Variants in PLCH1 observed in about 807,000 individuals in gnomAD.
The protein encoded by PLCH1 is 1-phosphatidylinositol 4,5-bisphosphate phosphodiesterase eta-1.
Under a neutral mutation model 126.7 loss-of-function variants are expected in PLCH1, and 60 were observed. That is an observed-to-expected ratio of 0.47 (90% CI 0.38 to 0.59). The LOEUF (loss-of-function observed/expected upper bound fraction) is 0.59. Ranked by LOEUF, PLCH1 falls within the 20% of genes least tolerant of loss-of-function variation. The pLI is 0.00. For synonymous variants in PLCH1, 719 were observed against 734.9 expected (o/e 0.98, Z 0.35); for missense variants, 1,723 against 2,040.0 (o/e 0.84, Z 2.99).
At chr3:155,700,566 A>C (rs1045535172) in intron 2 of PLCH1, among the ~76,000 whole-genome samples, 3 of 152,242 alleles carry the variant, frequency 2.0e-5, no homozygotes, top group Non-Finnish European at 2.9e-5. Context: ...ATAACCTAAT[A>C]ACTTACAGGA....
intron 2 of PLCH1, among the ~76,000 whole-genome samples, chr3:155,601,046 C>T (rs1733662710): frequency 6.6e-6 from 1 of 152,166 alleles, no homozygotes; most frequent in Admixed American, 6.5e-5. Context: ...GTGATCTCGG[C>T]TCACTGCAAG....
chr3:155,539,918 C>G (rs1723997932), intron 10 of PLCH1, among the ~76,000 whole-genome samples: 1 of 152,016 alleles, frequency 6.6e-6, no homozygotes, highest in Admixed American at 6.6e-5. Flanking sequence ...TAAAAGAGGG[C>G]CCGCATACCC....
chr3:155,473,030 G>T (rs9682285), intron 21 of PLCH1, among the ~76,000 whole-genome samples: 40,094 of 127,878 alleles, frequency 0.31, 5,334 homozygotes, highest in African/African-American at 0.55. Context: ...AGACAGGGAT[G>T]CCCTCTCTCA....
intron 6 of PLCH1, among the ~76,000 whole-genome samples, chr3:155,581,348 A>G (rs1159618583): frequency 6.6e-6 from 1 of 152,222 alleles, no homozygotes; most frequent in African/African-American, 2.4e-5. Context: ...CTGTACATGA[A>G]TGTTCACAGC....
chr3:155,676,267 C>T (rs1744077383), intron 2 of PLCH1: 1 of 1,194,036 alleles, frequency 8.4e-7, no homozygotes. Context: ...GATTATAGAA[C>T]TTTGTCCCAA....
chr3:155,540,903 C>T (rs953215591), intron 10 of PLCH1, among the ~76,000 whole-genome samples: 3 of 152,206 alleles, frequency 2.0e-5, no homozygotes, highest in South Asian at 4.2e-4. Context: ...TACCAAGAGG[C>T]AAAGAAGTCA....
chr3:155,521,293 T>C (rs1321156606), intron 11 of PLCH1, among the ~76,000 whole-genome samples: 1 of 152,226 alleles, frequency 6.6e-6, no homozygotes, highest in East Asian at 1.9e-4. Flanking sequence ...CTCCCATTGA[T>C]GTGTAAACTT....
At position 155,490,822 on chromosome 3, in the gene PLCH1, T is replaced by C; in HGVS notation, c.2354A>G (p.Asp785Gly). 1.3e-6 allele frequency: 2 copies of C among 1,599,324 alleles called. No individual in the cohort carries two copies. Among genetic ancestry groups the C allele is most frequent in the Non-Finnish European group, 1.7e-6 (2 of 1,166,928 alleles). Residue 785 changes from aspartate to glycine, a missense_variant, in exon 19 of 23, where the codon GAT becomes GGT. Coordinates refer to ENST00000460012, the MANE Select transcript of PLCH1 (RefSeq NM_014996.4). ...CACACGGGTTTGATCTTTACAACAATCTACTGGCAATCCAATAATTTCAAC... is the reference window on the plus strand; with the variant it reads ...CACACGGGTTTGATCTTTACAACAACCTACTGGCAATCCAATAATTTCAAC... Reference protein sequence around the residue: ...VEVEIIGLPVDCCKDQTRVVD... With the variant: ...VEVEIIGLPVGCCKDQTRVVD...
intron 2 of PLCH1, among the ~76,000 whole-genome samples, chr3:155,664,961 C>T (rs1277328887): frequency 6.6e-6 from 1 of 152,148 alleles, no homozygotes; most frequent in Non-Finnish European, 1.5e-5. Context: ...CCTCTTCCTC[C>T]AGTGCACACA....
At chr3:155,705,942 A>G (rs1234696146) in intron 1 of PLCH1, among the ~76,000 whole-genome samples, 3 of 152,030 alleles carry the variant, frequency 2.0e-5, no homozygotes, top group African/African-American at 7.2e-5. Context: ...TTGGGAGGCC[A>G]AGGCGGATGG....
intron 15 of PLCH1, among the ~76,000 whole-genome samples, chr3:155,496,389 G>T (rs1366185683): frequency 1.3e-5 from 2 of 152,098 alleles, no homozygotes; most frequent in African/African-American, 4.8e-5. Flanking sequence ...GAATCCTACA[G>T]GTTCTCATGC....
intron 8 of PLCH1, among the ~76,000 whole-genome samples, chr3:155,564,349 G>A (rs949914872): frequency 6.6e-6 from 1 of 152,194 alleles, no homozygotes; most frequent in Admixed American, 6.5e-5. Context: ...TGGATCATGA[G>A]GTCAGAGATC....
intron 10 of PLCH1, among the ~76,000 whole-genome samples, chr3:155,530,991 T>C (rs1354136780): frequency 1.3e-5 from 2 of 152,232 alleles, no homozygotes; most frequent in Non-Finnish European, 2.9e-5. Flanking sequence ...GCATTGTCAA[T>C]GAGCAGTAAT....
chr3:155,694,606 C>T (rs933152567), intron 2 of PLCH1, among the ~76,000 whole-genome samples: 1 of 152,180 alleles, frequency 6.6e-6, no homozygotes, highest in African/African-American at 2.4e-5. Flanking sequence ...TGAGCATAAG[C>T]CACCATCCTT....
At chr3:155,674,118 T>C (rs1261649426) in intron 2 of PLCH1, among the ~76,000 whole-genome samples, 2 of 152,172 alleles carry the variant, frequency 1.3e-5, no homozygotes, top group Non-Finnish European at 2.9e-5. Flanking sequence ...ACACCTTCCT[T>C]ACATGCCTCA....
chr3:155,677,137 T>C (rs920740029), intron 2 of PLCH1, among the ~76,000 whole-genome samples: 3 of 152,194 alleles, frequency 2.0e-5, no homozygotes, highest in African/African-American at 4.8e-5. Context: ...ATCGACCCTA[T>C]TGCCATTTTC....
At chr3:155,651,710 A>T (rs1432541968) in intron 2 of PLCH1, among the ~76,000 whole-genome samples, 1 of 152,212 alleles carries the variant, frequency 6.6e-6, no homozygotes, top group Admixed American at 6.5e-5. Context: ...TTTCTGTTTC[A>T]ATATGAAGTT....
intron 10 of PLCH1, among the ~76,000 whole-genome samples, chr3:155,544,153 A>C (rs934621650): frequency 1.4e-4 from 21 of 152,342 alleles, no homozygotes; most frequent in African/African-American, 5.1e-4. Flanking sequence ...TCTCACGTGC[A>C]GACACACACA....
chr3:155,547,257 G>C (rs1470991452), intron 10 of PLCH1, among the ~76,000 whole-genome samples: 1 of 150,458 alleles, frequency 6.6e-6, no homozygotes, highest in Admixed American at 6.6e-5. Context: ...CTCAAAAGAA[G>C]ACATTTATGC....
Sources: gnomAD v4.1 joint callset for allele counts (sites outside exome capture counted in the v4.1 genomes callset) on GRCh38, gnomAD v4.1.1 for gene constraint, MANE v1.5 for transcripts, NCBI Gene and HGNC (gene_info 2026-07-23, HGNC 2026-07-21) for gene names.